The following CRYL1 variants were observed in gnomAD, a reference collection of about 807,000 sequenced individuals.
The protein encoded by CRYL1 is crystallin lambda 1, also known as lambda-crystallin homolog.
A neutral mutation model predicts 36.6 loss-of-function variants in CRYL1; 29 were observed. The ratio of observed to expected loss-of-function variants is 0.79; its 90% CI spans 0.59 to 1.08. CRYL1 has a LOEUF of 1.08. CRYL1 is among the 50% of genes least tolerant of loss of function. CRYL1 has a pLI of 0.00. For missense variants in CRYL1, 411 were observed against 407.9 expected, an observed-to-expected ratio of 1.01 and a Z score of -0.06; for synonymous variants, 152 against 151.5, an observed-to-expected ratio of 1.00 and a Z score of -0.02.
rs1593456646 is a variant in CRYL1 at position 20,456,649 on chromosome 13, TTC to T, written c.277-16897_277-16896del. ...ACACACACACACACAAAGACCACGA[TTC>T]TTAAAACACACACACACACACACAC... On this transcript the variant is annotated intron_variant, in intron 3 of 7. Transcript: ENST00000298248. Among the ~76,000 whole-genome samples, 7 of 87,948 alleles carry T rather than the reference TTC, an allele frequency of 8.0e-5. No homozygotes were observed. The East Asian group carries it at 2.2e-3, about 27-fold the overall frequency. 57.7% of individuals were successfully genotyped at this position (87,948 alleles called of 152,430 possible). A position where few individuals can be genotyped will look rare whatever the true frequency, so the allele number is the denominator to read the frequency against.
At chr13:20,482,654 C>T (rs992280958) in intron 3 of CRYL1, among the ~76,000 whole-genome samples, 5 of 152,256 alleles carry the variant, frequency 3.3e-5, no homozygotes, top group Admixed American at 2.0e-4. Context: ...GGGAAAACCA[C>T]ACTCCCATTA....
At chr13:20,456,479 C>CA (rs71074301) in intron 3 of CRYL1, among the ~76,000 whole-genome samples, 1,695 of 98,752 alleles carry the variant, frequency 0.017, 28 homozygotes, top group Non-Finnish European at 0.023. Flanking sequence ...CGTCTCAAAA[C>CA]AAAAAAAAAA....
intron 3 of CRYL1, among the ~76,000 whole-genome samples, chr13:20,447,704 C>T (rs748472273): frequency 6.6e-6 from 1 of 152,158 alleles, no homozygotes; most frequent in African/African-American, 2.4e-5. Context: ...GCCAACCAGT[C>T]CTCATCTTAA....
At chr13:20,512,090 A>G (rs1593499897) in intron 2 of CRYL1, among the ~76,000 whole-genome samples, 1 of 152,240 alleles carries the variant, frequency 6.6e-6, no homozygotes, top group Admixed American at 6.5e-5. Context: ...ATGCCCCTGC[A>G]GCTATGGCTG....
chr13:20,468,802 TAAC>T, intron 3 of CRYL1, among the ~76,000 whole-genome samples: 1 of 152,314 alleles, frequency 6.6e-6, no homozygotes, highest in Non-Finnish European at 1.5e-5. Context: ...AGATGGGGTT[TAAC>T]CATGTTGTCC....
intron 3 of CRYL1, among the ~76,000 whole-genome samples, chr13:20,483,783 C>T (rs879163690): frequency 3.3e-5 from 5 of 152,038 alleles, no homozygotes. Flanking sequence ...TCAAGTAATC[C>T]ACCCGCTGTG....
intron 2 of CRYL1, among the ~76,000 whole-genome samples, chr13:20,505,584 C>T (rs959237462): frequency 6.6e-6 from 1 of 152,086 alleles, no homozygotes; most frequent in Non-Finnish European, 1.5e-5. Flanking sequence ...CTTATTTCTG[C>T]GTCCATAATG....
At chr13:20,470,228 C>T (rs12874235) in intron 3 of CRYL1, among the ~76,000 whole-genome samples, 6,483 of 152,306 alleles carry the variant, frequency 0.043, 309 homozygotes, top group Admixed American at 0.15. Flanking sequence ...AAGCCTCTGC[C>T]CCACTGCCGC....
At chr13:20,463,347 T>G (rs1050018913) in intron 3 of CRYL1, among the ~76,000 whole-genome samples, 2 of 152,176 alleles carry the variant, frequency 1.3e-5, no homozygotes, top group African/African-American at 2.4e-5. Flanking sequence ...TCACTATACA[T>G]GCAGGCTTGC....
chr13:20,475,237 C>G (rs897102082), intron 3 of CRYL1, among the ~76,000 whole-genome samples: 1 of 152,144 alleles, frequency 6.6e-6, no homozygotes, highest in African/African-American at 2.4e-5. Context: ...CATCACACCC[C>G]GTGTCTCTCC....
intron 3 of CRYL1, among the ~76,000 whole-genome samples, chr13:20,461,696 G>A (rs1193049894): frequency 6.6e-6 from 1 of 152,038 alleles, no homozygotes; most frequent in Non-Finnish European, 1.5e-5. Context: ...AAACAACTTG[G>A]GGGTGGGAGA....
intron 2 of CRYL1, among the ~76,000 whole-genome samples, chr13:20,500,912 A>T (rs146432233): frequency 2.2e-4 from 33 of 152,270 alleles, no homozygotes; most frequent in African/African-American, 7.9e-4. Flanking sequence ...TACTTCAGGC[A>T]TCTCAAAAAA....
intron 1 of CRYL1, among the ~76,000 whole-genome samples, chr13:20,521,174 AAAAG>A (rs1292532606): frequency 2.6e-4 from 40 of 151,940 alleles, no homozygotes; most frequent in Middle Eastern, 3.4e-3. Context: ...ACGAACGAAA[AAAAG>A]AAAGAAAGAA....
chr13:20,461,754 G>A (rs1247586106), intron 3 of CRYL1, among the ~76,000 whole-genome samples: 1 of 151,890 alleles, frequency 6.6e-6, no homozygotes, highest in Non-Finnish European at 1.5e-5. Context: ...ATTCACCAAG[G>A]CCTCCCAGAA....
At chr13:20,494,619 C>T (rs2033572770) in intron 2 of CRYL1, among the ~76,000 whole-genome samples, 1 of 152,200 alleles carries the variant, frequency 6.6e-6, no homozygotes, top group Non-Finnish European at 1.5e-5. Flanking sequence ...GCCAGCTGTG[C>T]GTCTTCAAAC....
intron 6 of CRYL1, among the ~76,000 whole-genome samples, chr13:20,410,891 C>A (rs1212592814): frequency 1.3e-5 from 2 of 152,236 alleles, no homozygotes; most frequent in Non-Finnish European, 2.9e-5. Flanking sequence ...AAGGAGCCGG[C>A]CGGCTGGCTC....
In CRYL1 at chr13:20,491,705, C is replaced by A. The variant is rs1160174196; in HGVS notation, c.150-2209G>T. 2.4e-4 allele frequency among the ~76,000 whole-genome samples: 37 copies of A among 152,168 alleles called. 1 individual carries two copies. Among genetic ancestry groups the A allele is most frequent in the Non-Finnish European group, 1.5e-5 (1 of 68,014 alleles). On this transcript the variant is annotated intron_variant, in intron 2 of 7. Transcript: ENST00000298248. Reference sequence around the variant, plus strand: ...ACTTGGGAGGCTGAGGTGGGAGAATCACTTGAGCCCAGGAGGTGGAGGCTG... The same window carrying A: ...ACTTGGGAGGCTGAGGTGGGAGAATAACTTGAGCCCAGGAGGTGGAGGCTG...
At chr13:20,411,427 C>A (rs1395406773) in intron 6 of CRYL1, among the ~76,000 whole-genome samples, 1 of 152,072 alleles carries the variant, frequency 6.6e-6, no homozygotes, top group African/African-American at 2.4e-5. Context: ...CAAAGCTGTT[C>A]TCAGTTCTGT....
intron 1 of CRYL1, 148 bp from the exon 2 acceptor site, chr13:20,512,698 C>T (rs2033936453): frequency 6.8e-6 from 4 of 585,036 alleles, no homozygotes; most frequent in Non-Finnish European, 1.2e-5. Flanking sequence ...TTTAGCCGGG[C>T]ACAGAAAGAC....
Sources: gnomAD v4.1 joint callset for allele counts (sites outside exome capture counted in the v4.1 genomes callset) on GRCh38, gnomAD v4.1.1 for gene constraint, MANE v1.5 for transcripts, NCBI Gene and HGNC (gene_info 2026-07-23, HGNC 2026-07-21) for gene names.